The following SBK3 variants were observed in gnomAD, a reference collection of about 807,000 sequenced individuals.
The protein encoded by SBK3 is SH3 domain binding kinase family member 3, also known as uncharacterized serine/threonine-protein kinase SBK3.
Under a neutral mutation model 12.7 loss-of-function variants are expected in SBK3, and 16 were observed. The ratio of observed to expected loss-of-function variants is 1.26; its 90% CI spans 0.86 to 1.92. The LOEUF (loss-of-function observed/expected upper bound fraction) is 1.92, where lower values mean the gene tolerates loss of function less well. Ranked by LOEUF, SBK3 falls within the 40% of genes most tolerant of loss-of-function variation. The pLI is 0.00. For synonymous variants in SBK3, 217 were observed against 213.6 expected, an observed-to-expected ratio of 1.02 and a Z score of -0.14; for missense variants, 462 against 481.8, an observed-to-expected ratio of 0.96 and a Z score of 0.38.
At chr19:55,542,368 C>T (rs373441533) in intron 3 of SBK3, among the ~76,000 whole-genome samples, 20 of 152,026 alleles carry the variant, frequency 1.3e-4, no homozygotes, top group African/African-American at 4.6e-4. Flanking sequence ...CCAATCCTTC[C>T]GTCCACCCAC....
At position 55,540,733 on chromosome 19, in the gene SBK3, A is replaced by C. The variant is rs1170545600; in HGVS notation, c.*113T>G. ...GCCCAGCGTTCCGTAGGGAGAGTGC[A>C]ATGTGTTCCCTCTCTGTCCTCCCGG... On this transcript the variant is annotated 3_prime_UTR_variant, in exon 4 of 4. Coordinates refer to ENST00000612221, the MANE Select transcript of SBK3 (RefSeq NM_001199824.2). 2.2e-6 allele frequency: 2 copies of C among 902,062 alleles called. No homozygotes were observed. Among genetic ancestry groups the C allele is most frequent in the Non-Finnish European group, 3.5e-6 (2 of 567,804 alleles). 55.9% of individuals were successfully genotyped at this position (902,062 alleles called of 1,614,324 possible).
rs1372284953 is a variant in SBK3, at chr19:55,544,227, C to A, written c.272G>T (p.Gly91Val). ...RSTFLREFCV[G>V]RCVSAHPGLL... ...GCCTGGGTGTGCAGAGACGCAGCGG[C>A]CCACACAGAACTCCCTCAGGAAGGT... Residue 91 changes from glycine (G) to valine (V), a missense_variant, in exon 3 of 4, where the codon GGC (glycine) becomes GTC (valine). Gly to Val is a moderately radical substitution (Grantham distance 109). Coordinates refer to ENST00000612221, the MANE Select transcript of SBK3 (RefSeq NM_001199824.2). The A allele has an allele frequency of 6.5e-7, 1 of 1,536,000 alleles. No individual in the cohort carries two copies. The highest frequency in any genetic ancestry group is 2.0e-5 in the Admixed American group (1 of 50,972).
chr19:55,545,481 C>T lies in SBK3; in HGVS notation c.45+18G>A, dbSNP rs775991039. On this transcript the variant is annotated intron_variant, in intron 1 of 3. Coordinates refer to ENST00000612221, the MANE Select transcript of SBK3 (RefSeq NM_001199824.2). The surrounding 1 kb of genome is among the most constrained non-coding windows in gnomAD (Gnocchi z 4.4). ...TCTTTTCTCTCTCTGTCTTCCTCCC[C>T]TGGCTCCCGTCTCTCACCTCTGGGT... is the stretch of plus-strand genomic sequence containing the variant. 7.9e-6 allele frequency: 12 copies of T among 1,524,850 alleles called. No individual in the cohort carries two copies. In the South Asian group the frequency reaches 1.3e-4, roughly 17 times the overall value. The allele number at this position is 1,524,850 out of a possible 1,614,324, so 94.5% of individuals were successfully genotyped here. A position where few individuals can be genotyped will look rare whatever the true frequency, so the allele number is the denominator to read the frequency against.
intron 3 of SBK3, 114 bp downstream of exon 3, chr19:55,543,986 G>T: frequency 2.4e-6 from 2 of 833,950 alleles, no homozygotes; most frequent in Non-Finnish European, 3.5e-6. Flanking sequence ...GGCTCAGGGT[G>T]GAGATGGATT....
In SBK3 at chr19:55,541,185, G is replaced by C. The variant is rs552495389; in HGVS notation, c.741C>G (p.Ala247=). 4.6e-6 allele frequency: 7 copies of C among 1,536,024 alleles called. No individual in the cohort carries two copies. The African/African-American group carries it at 9.6e-5, about 21-fold the overall frequency. The change falls in exon 4 of 4, where the codon GCC becomes GCG. Residue 247 remains alanine (A), a synonymous_variant. Coordinates refer to ENST00000612221, the MANE Select transcript of SBK3 (RefSeq NM_001199824.2). The surrounding 1 kb of genome is among the most constrained non-coding windows in gnomAD (Gnocchi z 5.3). ...CGAAGGCCTCGAACTCAGGGTTGGG[G>C]GCCAGTGCCACGTCCCAAGGGAAAC... The part of the protein sequence containing the change: ...TACFPWDVAL[A]PNPEFEAFAG...
Position 55,540,797 on chromosome 19 carries a change from G to A in SBK3, c.*49C>T. The A allele has an allele frequency of 1.3e-6, 2 of 1,496,046 alleles. No individual in the cohort carries two copies. Among genetic ancestry groups the A allele is most frequent in the Non-Finnish European group, 1.8e-6 (2 of 1,110,358 alleles). 92.7% of individuals were successfully genotyped at this position (1,496,046 alleles called of 1,614,324 possible). Reference sequence around the variant, plus strand: ...TCCATCCAGGTGGCCCTGGGGGCTGGGGGAAGGGCCTCTGGCCCAGGCTCT... The same window carrying A: ...TCCATCCAGGTGGCCCTGGGGGCTGAGGGAAGGGCCTCTGGCCCAGGCTCT... On this transcript the variant is annotated 3_prime_UTR_variant, in exon 4 of 4. Transcript: ENST00000612221.
Position 55,544,930 on chromosome 19 carries a change from A to G in SBK3, c.65T>C (p.Leu22Pro), listed in dbSNP as rs1305623833. The G allele has an allele frequency of 1.3e-6, 2 of 1,532,662 alleles. No homozygotes were observed. Among genetic ancestry groups the G allele is most frequent in the South Asian group, 2.4e-5 (2 of 83,862 alleles). The allele number at this position is 1,532,662 out of a possible 1,614,324, so 94.9% of individuals were successfully genotyped here. The stretch of plus-strand genomic sequence containing the variant: ...GGTCGTCAGCTCCACCAGCCGTTGG[A>G]GGGCTGTGGCTGTGTCCTCCTACGG... ...GDPEEDTATALQRLVELTTSR... is the reference protein window; with the variant it reads ...GDPEEDTATAPQRLVELTTSR... Residue 22 changes from leucine (L) to proline (P), a missense_variant, in exon 2 of 4, where the codon CTC (leucine) becomes CCC (proline). Physicochemically the swap from Leu to Pro is moderately conservative, Grantham distance 98. Coordinates refer to ENST00000612221, the MANE Select transcript of SBK3 (RefSeq NM_001199824.2).
At chr19:55,542,348 C>CTT (rs1335104765) in intron 3 of SBK3, among the ~76,000 whole-genome samples, 3 of 152,086 alleles carry the variant, frequency 2.0e-5, no homozygotes, top group Non-Finnish European at 4.4e-5. Flanking sequence ...ATCCATTAAT[C>CTT]ATCCATCCAC....
chr19:55,542,422 A>C, intron 3 of SBK3, among the ~76,000 whole-genome samples: 3 of 142,752 alleles, frequency 2.1e-5, no homozygotes, highest in Non-Finnish European at 1.5e-5. Flanking sequence ...CCACCCACCC[A>C]CCCATCCACT....
In SBK3 at chr19:55,541,928, C is replaced by A. The variant is rs1056817069; in HGVS notation, c.400-402G>T. Among the ~76,000 whole-genome samples the A allele has an allele frequency of 6.6e-6, 1 of 152,214 alleles. No homozygotes were observed. Among genetic ancestry groups the A allele is most frequent in the East Asian group, 1.9e-4 (1 of 5,202 alleles). The stretch of plus-strand genomic sequence containing the variant: ...CCCCAGTTATAACCAGTAGCTCCTT[C>A]TTTTAGCTTCTTTCAAAGATTCTCC... On this transcript the variant is annotated intron_variant, in intron 3 of 3. Coordinates refer to ENST00000612221, the MANE Select transcript of SBK3 (RefSeq NM_001199824.2). This position sits in a 1 kb window ranked among gnomAD's most constrained non-coding sequence, Gnocchi z 5.3.
In SBK3 at chr19:55,540,900, C is replaced by G; in HGVS notation, c.1026G>C (p.Glu342Asp). 1 of 1,536,194 alleles carries G rather than the reference C, an allele frequency of 6.5e-7. No individual in the cohort carries two copies. Among genetic ancestry groups the G allele is most frequent in the Non-Finnish European group, 8.7e-7 (1 of 1,146,904 alleles). The change falls in exon 4 of 4, where the codon GAG becomes GAC. Residue 342 changes from glutamate to aspartate, a missense_variant. Physicochemically the swap from Glu to Asp is conservative, Grantham distance 45. Transcript: ENST00000612221. ...TCCCACCACTTTTGCTGTCATCACC[C>G]TCATCTGTCCACTCCTCCAGGCTTG... The part of the protein sequence containing the change: ...GGSSLEEWTD[E>D]GDDSKSGGRT...
In SBK3 at chr19:55,545,430, C is replaced by T. The variant is rs757398517; in HGVS notation, c.45+69G>A. On this transcript the variant is annotated intron_variant, in intron 1 of 3. Transcript: ENST00000612221. The surrounding 1 kb of genome is among the most constrained non-coding windows in gnomAD (Gnocchi z 4.4). ...TTCTGTTTCTCTTCCTCTCTCTCCC[C>T]GTGTTGCCTCCTGCCTCTCTCTCCT... 7.2e-5 allele frequency: 90 copies of T among 1,253,976 alleles called. 1 individual carries two copies. The highest frequency in any genetic ancestry group is 1.7e-4 in the Admixed American group (8 of 47,658). The allele number at this position is 1,253,976 out of a possible 1,614,324, so 77.7% of individuals were successfully genotyped here.
In SBK3 at chr19:55,541,300, C is replaced by A. The variant is rs937213342; in HGVS notation, c.626G>T (p.Cys209Phe). 51 of 1,535,620 alleles carry A rather than the reference C, an allele frequency of 3.3e-5. No homozygotes were observed. The African/African-American group carries it at 6.4e-4, about 19-fold the overall frequency. The change falls in exon 4 of 4, where the codon TGT (cysteine) becomes TTT (phenylalanine). Residue 209 changes from cysteine (C) to phenylalanine (F), a missense_variant. By Grantham distance (205) the Cys-to-Phe change is radical. Transcript: ENST00000612221. This position sits in a 1 kb window ranked among gnomAD's most constrained non-coding sequence, Gnocchi z 5.3. ...VPLPTAPPELCLLLPPDTLPL... is the reference protein window; with the variant it reads ...VPLPTAPPELFLLLPPDTLPL... The stretch of plus-strand genomic sequence containing the variant: ...CAGGGTGTCGGGCGGTAGCAGGAGA[C>A]AGAGCTCAGGCGGTGCCGTGGGCAG...
At chr19:55,542,262 A>G (rs1430129124) in intron 3 of SBK3, among the ~76,000 whole-genome samples, 4 of 152,138 alleles carry the variant, frequency 2.6e-5, no homozygotes, top group Admixed American at 6.5e-5. Flanking sequence ...CAGCAATCCA[A>G]TAAGTTATTC....
Position 55,545,253 on chromosome 19 carries a change from G to T in SBK3, c.45+246C>A, listed in dbSNP as rs1988649696. The stretch of plus-strand genomic sequence containing the variant: ...CCACACAGTCCCCCTGCCCACCCTG[G>T]TCTCTCTCTCCACCGTCCTCTTCCC... On this transcript the variant is annotated intron_variant, in intron 1 of 3. Coordinates refer to ENST00000612221, the MANE Select transcript of SBK3 (RefSeq NM_001199824.2). The surrounding 1 kb of genome is among the most constrained non-coding windows in gnomAD (Gnocchi z 4.4). 1.7e-6 allele frequency: 1 copy of T among 583,920 alleles called. No homozygotes were observed. The highest frequency in any genetic ancestry group is 3.1e-5 in the Admixed American group (1 of 31,926). 36.2% of individuals were successfully genotyped at this position (583,920 alleles called of 1,614,324 possible). A position where few individuals can be genotyped will look rare whatever the true frequency, so the allele number is the denominator to read the frequency against.
intron 3 of SBK3, among the ~76,000 whole-genome samples, chr19:55,542,608 A>G (rs1354068481): frequency 7.9e-6 from 1 of 126,818 alleles, no homozygotes; most frequent in Non-Finnish European, 1.6e-5. Context: ...TCCGCCCACC[A>G]ATCCTTTCAT....
At chr19:55,542,372 C>T (rs993093843) in intron 3 of SBK3, among the ~76,000 whole-genome samples, 2 of 152,030 alleles carry the variant, frequency 1.3e-5, no homozygotes, top group African/African-American at 2.4e-5. Context: ...TCCTTCCGTC[C>T]ACCCACCCAT....
Position 55,541,555 on chromosome 19 carries a change from A to G in SBK3, c.400-29T>C. The G allele has an allele frequency of 6.8e-7, 1 of 1,465,786 alleles. No homozygotes were observed. Among genetic ancestry groups the G allele is most frequent in the East Asian group, 2.5e-5 (1 of 40,184 alleles). The allele number at this position is 1,465,786 out of a possible 1,614,324, so 90.8% of individuals were successfully genotyped here. A position where few individuals can be genotyped will look rare whatever the true frequency, so the allele number is the denominator to read the frequency against. On this transcript the variant is annotated intron_variant, in intron 3 of 3. Coordinates refer to ENST00000612221, the MANE Select transcript of SBK3 (RefSeq NM_001199824.2). This position sits in a 1 kb window ranked among gnomAD's most constrained non-coding sequence, Gnocchi z 5.3. ...AGGTCAAGAAGACAGGAGGAGGGTC[A>G]GAGTGTCTTGGTTTTGTCTTTTTTA...
rs1049092782 is a variant in SBK3, at chr19:55,541,321, G to C, written c.605C>G (p.Pro202Arg). 2 of 1,535,232 alleles carry C rather than the reference G, an allele frequency of 1.3e-6. No homozygotes were observed. The highest frequency in any genetic ancestry group is 1.7e-6 in the Non-Finnish European group (2 of 1,146,484). ...GAGACAGAGCTCAGGCGGTGCCGTG[G>C]GCAGAGGCACTGGTGGGGCGGGGGT... ...SPTPAPPVPL[P>R]TAPPELCLLL... Residue 202 changes from proline to arginine, a missense_variant, in exon 4 of 4, where the codon CCC becomes CGC. By Grantham distance (103) the Pro-to-Arg change is moderately radical (BLOSUM62 -2). Transcript: ENST00000612221. This position sits in a 1 kb window ranked among gnomAD's most constrained non-coding sequence, Gnocchi z 5.3.
Sources: allele counts gnomAD v4.1 joint callset (sites outside exome capture counted in the v4.1 genomes callset), GRCh38; gene constraint gnomAD v4.1.1; non-coding constraint Gnocchi (gnomAD v3.1); transcripts MANE v1.5; gene names NCBI Gene and HGNC (gene_info 2026-07-23, HGNC 2026-07-21).